MAPT: variants seen among roughly 807,000 people sequenced by gnomAD.
MAPT encodes microtubule-associated protein tau.
MAPT carries 34 observed loss-of-function variants against 67.9 expected under a neutral mutation model. That is an observed-to-expected ratio of 0.50 (90% CI 0.38 to 0.67). The LOEUF (loss-of-function observed/expected upper bound fraction) is 0.67, where lower values mean the gene tolerates loss of function less well. Ranked by LOEUF, MAPT falls within the 30% of genes least tolerant of loss-of-function variation. The probability of loss-of-function intolerance (pLI) is 0.00; values close to 1 mark genes in which losing one functional copy is unlikely to be tolerated. For missense variants in MAPT, 881 were observed against 1,115.2 expected, an observed-to-expected ratio of 0.79 and a Z score of 2.99; for synonymous variants, 456 against 464.5, an observed-to-expected ratio of 0.98 and a Z score of 0.23.
intron 1 of MAPT, among the ~76,000 whole-genome samples, chr17:45,950,332 G>A (rs1391226351): frequency 6.6e-6 from 1 of 152,184 alleles, no homozygotes; most frequent in Non-Finnish European, 1.5e-5. Flanking sequence ...CACCTCAGGG[G>A]ACAGCCAAAG....
At chr17:46,022,145 A>G (rs896886510) in intron 12 of MAPT, among the ~76,000 whole-genome samples, 17 of 152,184 alleles carry the variant, frequency 1.1e-4, no homozygotes, top group Non-Finnish European at 2.2e-4. Flanking sequence ...ACCTGAAATC[A>G]GGAGTTCAAG....
rs2063371716 is a variant in MAPT, at chr17:45,897,952, A to G, written c.-18+3266A>G. On this transcript the variant is annotated intron_variant, in intron 1 of 12. Coordinates refer to ENST00000262410, the MANE Select transcript of MAPT (RefSeq NM_001377265.1). The surrounding 1 kb of genome is among the most constrained non-coding windows in gnomAD (Gnocchi z 5.0). ...TGTTTTGTGATGGCTGCTTATATTT[A>G]CTGTATAAGCATTGTATTTACTGTA... 6.6e-6 allele frequency: 1 copy of G among 152,134 alleles called. No individual in the cohort carries two copies. Among genetic ancestry groups the G allele is most frequent in the Admixed American group, 6.5e-5 (1 of 15,278 alleles). The allele number at this position is 152,134 out of a possible 1,614,324, so 9.4% of individuals were successfully genotyped here.
chr17:45,953,976 C>A (rs2069346171), intron 1 of MAPT, among the ~76,000 whole-genome samples: 1 of 152,156 alleles, frequency 6.6e-6, no homozygotes, highest in Non-Finnish European at 1.5e-5. Context: ...TCGGAACATA[C>A]AATGATTCTT....
At chr17:46,013,087 C>T (rs1191625716) in intron 10 of MAPT, among the ~76,000 whole-genome samples, 1 of 152,224 alleles carries the variant, frequency 6.6e-6, no homozygotes, top group African/African-American at 2.4e-5. Flanking sequence ...GAAACCACCA[C>T]CTGCCCTGCA....
intron 4 of MAPT, among the ~76,000 whole-genome samples, chr17:45,980,813 C>T (rs1043770395): frequency 6.6e-6 from 1 of 152,170 alleles, no homozygotes; most frequent in African/African-American, 2.4e-5. Context: ...AGGGGCAGCC[C>T]CTGCCTCTGG....
intron 1 of MAPT, among the ~76,000 whole-genome samples, chr17:45,948,790 A>T (rs2068758398): frequency 6.6e-6 from 1 of 152,232 alleles, no homozygotes; most frequent in African/African-American, 2.4e-5. Flanking sequence ...GGTTCCTATC[A>T]TGAGAAATCC....
chr17:45,969,721 C>T (rs995927242), intron 2 of MAPT, among the ~76,000 whole-genome samples: 1 of 151,852 alleles, frequency 6.6e-6, no homozygotes, highest in African/African-American at 2.4e-5. Context: ...TCCAATCATA[C>T]ATATATCCAA....
chr17:45,921,051 C>A (rs1057276486), intron 1 of MAPT, among the ~76,000 whole-genome samples: 11 of 152,176 alleles, frequency 7.2e-5, no homozygotes, highest in African/African-American at 2.7e-4. Flanking sequence ...AATCTGACTG[C>A]CAAAGTTTTT....
intron 1 of MAPT, among the ~76,000 whole-genome samples, chr17:45,919,658 G>A (rs951082983): frequency 2.6e-4 from 40 of 152,338 alleles, no homozygotes; most frequent in African/African-American, 9.4e-4. Context: ...CTGTAATCCC[G>A]GCACTTTGGG....
chr17:45,962,771 A>C (rs1032250498), intron 2 of MAPT, among the ~76,000 whole-genome samples: 3 of 152,154 alleles, frequency 2.0e-5, no homozygotes, highest in African/African-American at 7.2e-5. Context: ...AAAATAATTT[A>C]AAAATTAGCC....
rs2145837369 is a variant in MAPT, at chr17:45,996,802, T to G, written c.1998+138T>G. The G allele has an allele frequency of 5.0e-6, 6 of 1,205,492 alleles. No individual in the cohort carries two copies. The highest frequency in any genetic ancestry group is 6.9e-6 in the Non-Finnish European group (6 of 871,312). 74.7% of individuals were successfully genotyped at this position (1,205,492 alleles called of 1,614,324 possible). Reference sequence around the variant, plus strand: ...GGGACTGTGCATGGAGGTGTGGGGCTCCCCGCACCTGAGCACCCCCGCATA... The same window carrying G: ...GGGACTGTGCATGGAGGTGTGGGGCGCCCCGCACCTGAGCACCCCCGCATA... On this transcript the variant is annotated intron_variant, in intron 9 of 12. Coordinates refer to ENST00000262410, the MANE Select transcript of MAPT (RefSeq NM_001377265.1). The surrounding 1 kb of genome is among the most constrained non-coding windows in gnomAD (Gnocchi z 4.5).
rs2072602536 is a variant in MAPT, at chr17:45,978,399, C to A, written c.245C>A (p.Thr82Asn). ...AEAEEAGIGDTPSLEDEAAGH... is the reference protein window; with the variant it reads ...AEAEEAGIGDNPSLEDEAAGH... ...GCTGAAGAAGCAGGCATTGGAGACA[C>A]CCCCAGCCTGGAAGACGAAGCTGCT... is the stretch of plus-strand genomic sequence containing the variant. The change falls in exon 4 of 13, where the codon ACC (threonine) becomes AAC (asparagine). Residue 82 changes from threonine to asparagine, a missense_variant. Physicochemically the swap from Thr to Asn is moderately conservative, Grantham distance 65. This residue lies in a region of MAPT where 687 missense variants were observed against 766.1 expected (regional missense o/e 0.90). Transcript: ENST00000262410. 1.9e-6 allele frequency: 3 copies of A among 1,613,640 alleles called. No individual in the cohort carries two copies. Among genetic ancestry groups the A allele is most frequent in the Non-Finnish European group, 8.5e-7 (1 of 1,179,888 alleles).
At chr17:45,941,354 T>A (rs2067834069) in intron 1 of MAPT, among the ~76,000 whole-genome samples, 1 of 152,164 alleles carries the variant, frequency 6.6e-6, no homozygotes, top group Non-Finnish European at 1.5e-5. Context: ...TTAAGGCTCT[T>A]GGAAGACCCA....
At chr17:45,917,205 C>A (rs538122906) in intron 1 of MAPT, among the ~76,000 whole-genome samples, 38 of 152,338 alleles carry the variant, frequency 2.5e-4, no homozygotes, top group African/African-American at 9.1e-4. Context: ...GCTTCAGTGT[C>A]TTTGATAAAC....
intron 1 of MAPT, among the ~76,000 whole-genome samples, chr17:45,919,000 T>G (rs1042793426): frequency 6.6e-6 from 1 of 151,006 alleles, no homozygotes. Flanking sequence ...AGGTGGAGGT[T>G]GCAGTGAGCC....
At chr17:46,020,961 C>G (rs961024812) in intron 12 of MAPT, among the ~76,000 whole-genome samples, 4 of 152,142 alleles carry the variant, frequency 2.6e-5, no homozygotes, top group Non-Finnish European at 5.9e-5. Context: ...AAGTGGCAGC[C>G]GGGCCGTCTT....
At chr17:46,008,425 G>C (rs576174703) in intron 9 of MAPT, among the ~76,000 whole-genome samples, 85 of 152,246 alleles carry the variant, frequency 5.6e-4, no homozygotes, top group African/African-American at 2.0e-3. Context: ...ATACAAAATT[G>C]CATGTGCACA....
At chr17:45,977,846 C>T (rs141955966) in intron 3 of MAPT, 234 of 160,486 alleles carry the variant, frequency 1.5e-3, no homozygotes, top group African/African-American at 5.5e-3. Flanking sequence ...CTTACTAACC[C>T]TCACCATCCT....
At position 45,941,689 on chromosome 17, in the gene MAPT, TCCTTCCTTCCTGCCTG is replaced by T. The variant is rs1486863468; in HGVS notation, c.-17-20620_-17-20605del. ...CCCCTTCCCCCCTTCCCTCCTTCCT[TCCTTCCTTCCTGCCTG>T]CCTTCCTTCCTTCCTTCCTTCCTTC... On this transcript the variant is annotated intron_variant, in intron 1 of 12. Transcript: ENST00000262410. Among the ~76,000 whole-genome samples, 395 of 59,714 alleles carry T rather than the reference TCCTTCCTTCCTGCCTG, an allele frequency of 6.6e-3. 27 individuals carry two copies. The highest frequency in any genetic ancestry group is 0.029 in the African/African-American group (315 of 10,746). 39.2% of individuals were successfully genotyped at this position (59,714 alleles called of 152,430 possible). A position where few individuals can be genotyped will look rare whatever the true frequency, so the allele number is the denominator to read the frequency against.
Sources: gnomAD v4.1 joint callset for allele counts (sites outside exome capture counted in the v4.1 genomes callset) on GRCh38, gnomAD v4.1.1 for gene constraint, gnomAD v4.1.1 regional missense constraint, Gnocchi (gnomAD v3.1) non-coding constraint, MANE v1.5 for transcripts, NCBI Gene and HGNC (gene_info 2026-07-23, HGNC 2026-07-21) for gene names.